Variants in ADGRL3 observed in about 807,000 individuals in gnomAD.
The protein encoded by ADGRL3 is adhesion G protein-coupled receptor L3, also known as calcium-independent alpha-latrotoxin receptor 3.
ADGRL3 carries 62 observed loss-of-function variants against 153.5 expected under a neutral mutation model. The ratio of observed to expected loss-of-function variants is 0.40; its 90% CI spans 0.33 to 0.50. The LOEUF is 0.50. ADGRL3 is among the 20% of genes least tolerant of loss of function. The pLI is 0.47. For missense variants in ADGRL3, 1,641 were observed against 1,859.4 expected (o/e 0.88, Z 2.16); for synonymous variants, 710 against 672.5 (o/e 1.06, Z -0.86).
At chr4:61,599,713 C>T (rs1011118717) in intron 5 of ADGRL3, among the ~76,000 whole-genome samples, 3 of 152,152 alleles carry the variant, frequency 2.0e-5, no homozygotes, top group African/African-American at 7.2e-5. Flanking sequence ...TTATGGCTAG[C>T]CTTGGGGAAA....
chr4:61,642,286 C>G (rs373360167), intron 5 of ADGRL3, among the ~76,000 whole-genome samples: 22 of 152,238 alleles, frequency 1.4e-4, no homozygotes, highest in African/African-American at 3.4e-4. Flanking sequence ...AAGCTCTTTA[C>G]TTTAATTAGA....
intron 2 of ADGRL3, among the ~76,000 whole-genome samples, chr4:61,474,165 G>T (rs1056583645): frequency 1.6e-4 from 24 of 152,140 alleles, no homozygotes; most frequent in African/African-American, 4.6e-4. Flanking sequence ...TTATGTTTTG[G>T]TGTGCACTGA....
At chr4:62,021,304 C>T (rs566297480) in intron 21 of ADGRL3, among the ~76,000 whole-genome samples, 42 of 152,178 alleles carry the variant, frequency 2.8e-4, no homozygotes, top group African/African-American at 8.7e-4. Flanking sequence ...CAGCATGTAT[C>T]CCCACTTCAC....
chr4:61,347,279 T>C (rs775744563), intron 1 of ADGRL3, among the ~76,000 whole-genome samples: 1 of 151,748 alleles, frequency 6.6e-6, no homozygotes, highest in Non-Finnish European at 1.5e-5. Context: ...TTTTTTTTCC[T>C]GCTACTAGAT....
chr4:62,006,576 GAT>G (rs2099160023), intron 21 of ADGRL3, among the ~76,000 whole-genome samples: 1 of 131,166 alleles, frequency 7.6e-6, no homozygotes. Context: ...TCAATGTATA[GAT>G]TTTTTTTTTT....
chr4:61,869,737 G>C (rs997091738), intron 9 of ADGRL3, among the ~76,000 whole-genome samples: 3 of 151,300 alleles, frequency 2.0e-5, no homozygotes, highest in African/African-American at 7.3e-5. Context: ...TCGGGAGTTC[G>C]AGACCAGCCT....
At chr4:61,996,411 C>A in intron 20 of ADGRL3, 54 bp downstream of exon 20, 1 of 1,236,140 alleles carries the variant, frequency 8.1e-7, no homozygotes, top group South Asian at 1.2e-5. Context: ...AAAACTTTCA[C>A]TATCCCAGTA....
chr4:61,752,031 A>G (rs1312262146), intron 8 of ADGRL3, among the ~76,000 whole-genome samples: 1 of 152,182 alleles, frequency 6.6e-6, no homozygotes, highest in Non-Finnish European at 1.5e-5. Flanking sequence ...GTAGTTAACA[A>G]TATGATTAAG....
At position 61,601,810 on chromosome 4, in the gene ADGRL3, A is replaced by G. The variant is rs930919726; in HGVS notation, c.473+14370A>G. Among the ~76,000 whole-genome samples the G allele has an allele frequency of 3.9e-5, 6 of 152,184 alleles. No homozygotes were observed. In the East Asian group the frequency reaches 9.6e-4, roughly 24 times the overall value. Reference sequence around the variant, plus strand: ...TTCATGGAGAAATAAAAATAAATTTATATCTTCCTTTAGTGGGTAAGTGGA... The same window carrying G: ...TTCATGGAGAAATAAAAATAAATTTGTATCTTCCTTTAGTGGGTAAGTGGA... On this transcript the variant is annotated intron_variant, in intron 5 of 26. Transcript: ENST00000683033.
chr4:61,872,911 T>C (rs1416490438), intron 9 of ADGRL3, among the ~76,000 whole-genome samples: 2 of 152,208 alleles, frequency 1.3e-5, no homozygotes, highest in African/African-American at 4.8e-5. Flanking sequence ...GGGAAAAACC[T>C]ATTTATCGAC....
intron 21 of ADGRL3, among the ~76,000 whole-genome samples, chr4:62,020,634 A>G (rs556821973): frequency 4.9e-4 from 75 of 152,244 alleles, no homozygotes; most frequent in African/African-American, 1.7e-3. Context: ...TTCCTATTCA[A>G]ATTTCAAAGT....
At chr4:61,785,233 A>T (rs1442009890) in intron 8 of ADGRL3, among the ~76,000 whole-genome samples, 1 of 152,214 alleles carries the variant, frequency 6.6e-6, no homozygotes, top group African/African-American at 2.4e-5. Context: ...TAAAAGGAGC[A>T]TGATCAAGTA....
intron 5 of ADGRL3, among the ~76,000 whole-genome samples, chr4:61,648,516 AT>A (rs1290772220): frequency 1.6e-5 from 2 of 127,410 alleles, no homozygotes; most frequent in African/African-American, 5.1e-5. Context: ...TGCATTAGGA[AT>A]TTTTTTGTTT....
intron 5 of ADGRL3, among the ~76,000 whole-genome samples, chr4:61,595,047 A>G (rs1280292380): frequency 1.3e-5 from 2 of 152,056 alleles, no homozygotes. Flanking sequence ...CCAGGCCTGG[A>G]ACTCACCCTT....
chr4:61,954,631 C>T (rs1417792030), intron 17 of ADGRL3, among the ~76,000 whole-genome samples: 2 of 151,986 alleles, frequency 1.3e-5, no homozygotes, highest in Non-Finnish European at 2.9e-5. Flanking sequence ...TCCCCTTGCT[C>T]ACCTGCTCTA....
At chr4:61,766,056 C>T (rs927489049) in intron 8 of ADGRL3, among the ~76,000 whole-genome samples, 6 of 152,048 alleles carry the variant, frequency 3.9e-5, no homozygotes, top group South Asian at 2.1e-4. Context: ...ATAAATCAAG[C>T]GTGATCAGGG....
chr4:61,378,731 CTG>C (rs1430315514), intron 1 of ADGRL3, among the ~76,000 whole-genome samples: 3 of 151,908 alleles, frequency 2.0e-5, no homozygotes, highest in African/African-American at 4.8e-5. Context: ...AAACCAGACT[CTG>C]TGAAAAATAA....
chr4:61,835,561 C>T (rs554361251), intron 9 of ADGRL3, among the ~76,000 whole-genome samples: 1 of 152,082 alleles, frequency 6.6e-6, no homozygotes, highest in East Asian at 1.9e-4. Context: ...TGACTTTAGC[C>T]ACATCAAGTA....
intron 7 of ADGRL3, among the ~76,000 whole-genome samples, 162 bp downstream of exon 7, chr4:61,730,798 A>C (rs974486882): frequency 7.9e-5 from 12 of 151,936 alleles, no homozygotes; most frequent in Admixed American, 2.0e-4. Flanking sequence ...ATTACTGACA[A>C]GAGTCACTTT....
Sources: gnomAD v4.1 joint callset for allele counts (sites outside exome capture counted in the v4.1 genomes callset) on GRCh38, gnomAD v4.1.1 for gene constraint, MANE v1.5 for transcripts, NCBI Gene and HGNC (gene_info 2026-07-23, HGNC 2026-07-21) for gene names.